The following ARL15 variants were observed in gnomAD, a reference collection of about 807,000 sequenced individuals.
ARL15 encodes ADP-ribosylation factor-like protein 15.
Under a neutral mutation model 25.2 loss-of-function variants are expected in ARL15, and 19 were observed. That is an observed-to-expected ratio of 0.75 (90% CI 0.53 to 1.10). ARL15 has a LOEUF of 1.10. Among genes scored for constraint, ARL15 ranks in the 50% least tolerant of loss-of-function variants. The probability of loss-of-function intolerance (pLI) is 0.00; values close to 1 mark genes in which losing one functional copy is unlikely to be tolerated. For synonymous variants in ARL15, 94 were observed against 86.8 expected, an observed-to-expected ratio of 1.08 and a Z score of -0.46; for missense variants, 220 against 246.0, an observed-to-expected ratio of 0.89 and a Z score of 0.71.
At chr5:54,306,372 C>T (rs1758753785) in intron 1 of ARL15, among the ~76,000 whole-genome samples, 1 of 150,472 alleles carries the variant, frequency 6.6e-6, no homozygotes, top group South Asian at 2.1e-4. Context: ...ACATCAGCAA[C>T]ATAATCACAA....
chr5:54,008,772 ATTC>A (rs1354103357), intron 4 of ARL15, among the ~76,000 whole-genome samples: 1 of 152,196 alleles, frequency 6.6e-6, no homozygotes, highest in Non-Finnish European at 1.5e-5. Context: ...GCTCCAGAGA[ATTC>A]TTCTTTTAAT....
intron 4 of ARL15, among the ~76,000 whole-genome samples, chr5:53,970,482 G>C (rs1184283016): frequency 6.7e-6 from 1 of 150,198 alleles, no homozygotes; most frequent in Non-Finnish European, 1.5e-5. Context: ...GAGAATGAGT[G>C]AGAAAGAGAG....
At chr5:53,934,543 T>C (rs1158405100) in intron 4 of ARL15, among the ~76,000 whole-genome samples, 1 of 152,162 alleles carries the variant, frequency 6.6e-6, no homozygotes, top group Non-Finnish European at 1.5e-5. Context: ...ACTAGGCACA[T>C]ACATCTTTTC....
chr5:54,169,736 T>C (rs536774160), intron 2 of ARL15, among the ~76,000 whole-genome samples: 2 of 152,226 alleles, frequency 1.3e-5, no homozygotes, highest in Admixed American at 1.3e-4. Context: ...CATAAAGCAG[T>C]GCTACAGGCA....
intron 1 of ARL15, among the ~76,000 whole-genome samples, chr5:54,295,929 A>G (rs988424047): frequency 7.2e-5 from 11 of 152,212 alleles, no homozygotes; most frequent in South Asian, 2.1e-4. Context: ...TTTGACTCCA[A>G]TGAAATAGGA....
intron 1 of ARL15, among the ~76,000 whole-genome samples, chr5:54,187,378 A>G (rs1755271579): frequency 6.6e-6 from 1 of 152,212 alleles, no homozygotes; most frequent in Non-Finnish European, 1.5e-5. Flanking sequence ...ATTTTCTCCT[A>G]AGCAGGGCAG....
chr5:53,970,334 A>G (rs1453790762), intron 4 of ARL15, among the ~76,000 whole-genome samples: 1 of 152,212 alleles, frequency 6.6e-6, no homozygotes, highest in African/African-American at 2.4e-5. Flanking sequence ...AAAAAAGTCC[A>G]TAAAATATCA....
intron 3 of ARL15, among the ~76,000 whole-genome samples, chr5:54,117,368 C>CAT (rs913288752): frequency 1.2e-4 from 15 of 124,386 alleles, no homozygotes; most frequent in Non-Finnish European, 2.0e-4. Context: ...TAGTGAGACA[C>CAT]ATACACACAC....
chr5:54,025,312 A>G (rs1455360709), intron 4 of ARL15, among the ~76,000 whole-genome samples: 1 of 151,922 alleles, frequency 6.6e-6, no homozygotes, highest in African/African-American at 2.4e-5. Flanking sequence ...AAAAAAGCAA[A>G]CAACAGTCAC....
At chr5:54,153,809 C>T (rs1469229340) in intron 3 of ARL15, among the ~76,000 whole-genome samples, 2 of 152,088 alleles carry the variant, frequency 1.3e-5, no homozygotes, top group African/African-American at 4.8e-5. Context: ...GTTAGAATGA[C>T]CTTAAGGGAA....
At chr5:54,159,618 G>A (rs1754344678) in intron 2 of ARL15, among the ~76,000 whole-genome samples, 1 of 152,206 alleles carries the variant, frequency 6.6e-6, no homozygotes, top group South Asian at 2.1e-4. Flanking sequence ...TCACGGTTAA[G>A]TCTCCCCAGG....
chr5:54,141,156 A>G (rs1267057603), intron 3 of ARL15, among the ~76,000 whole-genome samples: 3 of 151,854 alleles, frequency 2.0e-5, no homozygotes, highest in African/African-American at 7.3e-5. Flanking sequence ...ATTTTTTTTT[A>G]TTAACTGAGT....
At chr5:54,307,737 T>C (rs1202072547) in intron 1 of ARL15, among the ~76,000 whole-genome samples, 1 of 152,164 alleles carries the variant, frequency 6.6e-6, no homozygotes, top group Non-Finnish European at 1.5e-5. Context: ...AGTGACGACA[T>C]CCAGCCCAAA....
intron 4 of ARL15, among the ~76,000 whole-genome samples, chr5:54,102,461 C>CATA (rs927815606): frequency 1.3e-5 from 2 of 151,940 alleles, no homozygotes; most frequent in East Asian, 1.9e-4. Context: ...TTTGCTTTCC[C>CATA]ATAATAATAA....
chr5:54,006,601 A>G (rs945022891), intron 4 of ARL15, among the ~76,000 whole-genome samples: 16 of 152,156 alleles, frequency 1.1e-4, no homozygotes, highest in Non-Finnish European at 1.3e-4. Context: ...CACAGAATGG[A>G]ATTAAAAAAG....
intron 1 of ARL15, among the ~76,000 whole-genome samples, chr5:54,302,287 C>T (rs2112714648): frequency 6.6e-6 from 1 of 152,320 alleles, no homozygotes; most frequent in Admixed American, 6.5e-5. Context: ...ATGCTCATGG[C>T]CATGGGCTTA....
At chr5:54,094,161 C>A (rs1197049663) in intron 4 of ARL15, among the ~76,000 whole-genome samples, 3 of 152,186 alleles carry the variant, frequency 2.0e-5, no homozygotes, top group Non-Finnish European at 4.4e-5. Context: ...CATACCAGTT[C>A]ATTTTGATAC....
At chr5:54,272,153 TG>T in intron 1 of ARL15, among the ~76,000 whole-genome samples, 1 of 147,560 alleles carries the variant, frequency 6.8e-6, no homozygotes, top group South Asian at 2.2e-4. Context: ...GGTTTTGTTA[TG>T]TTCCCCAGGC....
chr5:53,919,327 G>A (rs904905909), intron 4 of ARL15, among the ~76,000 whole-genome samples: 4 of 152,178 alleles, frequency 2.6e-5, no homozygotes, highest in African/African-American at 7.2e-5. Context: ...TGAAATGAAT[G>A]CAGAATGGTT....
Sources: gnomAD v4.1 joint callset for allele counts (sites outside exome capture counted in the v4.1 genomes callset) on GRCh38, gnomAD v4.1.1 for gene constraint, MANE v1.5 for transcripts, NCBI Gene and HGNC (gene_info 2026-07-23, HGNC 2026-07-21) for gene names.